KCNG3: variants seen among roughly 807,000 people sequenced by gnomAD.
The protein encoded by KCNG3 is voltage-gated potassium channel regulatory subunit KCNG3.
In KCNG3, 15 loss-of-function variants were observed where a neutral mutation model predicts 29.0. That is an observed-to-expected ratio of 0.52 (90% CI 0.35 to 0.80). KCNG3 has a LOEUF of 0.80. KCNG3 is among the 30% of genes least tolerant of loss of function. KCNG3 has a pLI of 0.01. For missense variants in KCNG3, 512 were observed against 605.7 expected (o/e 0.85, Z 1.62); for synonymous variants, 322 against 248.9 (o/e 1.29, Z -2.76).
intron 1 of KCNG3, among the ~76,000 whole-genome samples, chr2:42,467,044 C>T (rs111981851): frequency 0.014 from 2,077 of 152,056 alleles, 53 homozygotes; most frequent in African/African-American, 0.046. Context: ...GGAGCCACTG[C>T]GCCCGGCCAA....
rs112087825 is a variant in KCNG3, at chr2:42,453,468, C to A, written c.666-8889G>T. 8.9e-3 allele frequency among the ~76,000 whole-genome samples: 1,353 copies of A among 152,274 alleles called. 12 individuals carry two copies. Among genetic ancestry groups the A allele is most frequent in the South Asian group, 0.036 (172 of 4,826 alleles). ...GATCATCAATGAGGCTGAGCACGCA[C>A]CTTTTCCATATACCTGTTTGCCATT... On this transcript the variant is annotated intron_variant, in intron 1 of 1. Transcript: ENST00000306078.
chr2:42,474,570 ATAT>A (rs1276980337), intron 1 of KCNG3, among the ~76,000 whole-genome samples: 1 of 152,134 alleles, frequency 6.6e-6, no homozygotes, highest in African/African-American at 2.4e-5. Flanking sequence ...ATGAATCTAA[ATAT>A]TATGTTTTGA....
the KCNG3 span, among the ~76,000 whole-genome samples, chr2:42,436,696 A>G: frequency 6.6e-6 from 1 of 152,234 alleles, no homozygotes; most frequent in Non-Finnish European, 1.5e-5. Flanking sequence ...CAGGGAATAA[A>G]AAGAAGGTAT....
At chr2:42,475,385 G>A (rs1370123275) in intron 1 of KCNG3, among the ~76,000 whole-genome samples, 1 of 147,696 alleles carries the variant, frequency 6.8e-6, no homozygotes, top group Non-Finnish European at 1.5e-5. Flanking sequence ...GAGGAGTACA[G>A]TGGTGCGATC....
intron 1 of KCNG3, among the ~76,000 whole-genome samples, chr2:42,447,074 A>C (rs1166669767): frequency 2.0e-5 from 3 of 150,050 alleles, no homozygotes; most frequent in African/African-American, 7.5e-5. Flanking sequence ...ACAGACAGCA[A>C]ACCTGCCTCA....
At chr2:42,456,433 G>T (rs1431177939) in intron 1 of KCNG3, among the ~76,000 whole-genome samples, 1 of 152,108 alleles carries the variant, frequency 6.6e-6, no homozygotes. Flanking sequence ...GGAGGCTGAG[G>T]AGGAGCACCT....
chr2:42,397,430 C>G, the KCNG3 span, among the ~76,000 whole-genome samples: 1 of 152,124 alleles, frequency 6.6e-6, no homozygotes, highest in East Asian at 1.9e-4. Flanking sequence ...CGATTACTTA[C>G]AGGAGGAGAA....
the KCNG3 span, among the ~76,000 whole-genome samples, chr2:42,399,590 A>C: frequency 6.6e-6 from 1 of 152,184 alleles, no homozygotes; most frequent in Non-Finnish European, 1.5e-5. Flanking sequence ...TTACAAAGAA[A>C]ATTTCAGAAA....
In KCNG3 at chr2:42,444,713, T is replaced by A; in HGVS notation, c.666-134A>T. The A allele has an allele frequency of 1.3e-6, 1 of 760,670 alleles. No individual in the cohort carries two copies. 47.1% of individuals were successfully genotyped at this position (760,670 alleles called of 1,614,324 possible). ...CAGAAAACATAAAGAACAGACAACATTAGCAACATCATCAGACCACCAGGA... is the reference window on the plus strand; with the variant it reads ...CAGAAAACATAAAGAACAGACAACAATAGCAACATCATCAGACCACCAGGA... On this transcript the variant is annotated intron_variant, in intron 1 of 1. Transcript: ENST00000306078. The surrounding 1 kb of genome is among the most constrained non-coding windows in gnomAD (Gnocchi z 5.8).
At chr2:42,486,281 T>C (rs574550707) in intron 1 of KCNG3, among the ~76,000 whole-genome samples, 5 of 152,294 alleles carry the variant, frequency 3.3e-5, no homozygotes, top group Non-Finnish European at 7.4e-5. Flanking sequence ...AATGACATAA[T>C]AACACCCACA....
chr2:42,484,750 G>C (rs999793493), intron 1 of KCNG3, among the ~76,000 whole-genome samples: 2 of 152,116 alleles, frequency 1.3e-5, no homozygotes, highest in African/African-American at 4.8e-5. Flanking sequence ...CTTACCAAAA[G>C]GTAGGGAAAA....
downstream of KCNG3, among the ~76,000 whole-genome samples, chr2:42,439,379 A>G (rs1672428561): frequency 2.6e-5 from 4 of 151,888 alleles, no homozygotes; most frequent in South Asian, 8.3e-4. Context: ...CTCATGCCTC[A>G]GCCTTCTGCG....
chr2:42,448,321 G>T (rs1192066378), intron 1 of KCNG3, among the ~76,000 whole-genome samples: 1 of 151,638 alleles, frequency 6.6e-6, no homozygotes, highest in Non-Finnish European at 1.5e-5. Flanking sequence ...ATAGCCCGGG[G>T]TCTAAATCCT....
At chr2:42,427,597 C>A in the KCNG3 span, among the ~76,000 whole-genome samples, 1 of 150,586 alleles carries the variant, frequency 6.6e-6, no homozygotes, top group Non-Finnish European at 1.5e-5. Context: ...AGAGTGAGAC[C>A]CTGTCTCAAA....
Position 42,444,697 on chromosome 2 carries a change from TAAAG to T in KCNG3, c.666-122_666-119del. The T allele has an allele frequency of 3.3e-6, 3 of 913,218 alleles. No individual in the cohort carries two copies. Among genetic ancestry groups the T allele is most frequent in the Non-Finnish European group, 4.9e-6 (3 of 607,928 alleles). The allele number at this position is 913,218 out of a possible 1,614,324, so 56.6% of individuals were successfully genotyped here. A position where few individuals can be genotyped will look rare whatever the true frequency, so the allele number is the denominator to read the frequency against. On this transcript the variant is annotated intron_variant, in intron 1 of 1. Coordinates refer to ENST00000306078, the MANE Select transcript of KCNG3 (RefSeq NM_133329.6). The surrounding 1 kb of genome is among the most constrained non-coding windows in gnomAD (Gnocchi z 5.8). ...AATTCAGTTACTTTTCCAGAAAACA[TAAAG>T]AACAGACAACATTAGCAACATCATC... is the stretch of plus-strand genomic sequence containing the variant.
chr2:42,415,390 C>G, the KCNG3 span: 1 of 152,292 alleles, frequency 6.6e-6, no homozygotes, highest in East Asian at 1.9e-4. Flanking sequence ...ACTGTATTTT[C>G]CCATCCCAAT....
At chr2:42,465,599 T>C (rs1278381793) in intron 1 of KCNG3, among the ~76,000 whole-genome samples, 1 of 152,156 alleles carries the variant, frequency 6.6e-6, no homozygotes. Context: ...GCACAAAAAG[T>C]AGTAATCATG....
the KCNG3 span, among the ~76,000 whole-genome samples, chr2:42,424,373 C>T: frequency 6.6e-6 from 1 of 151,172 alleles, no homozygotes; most frequent in African/African-American, 2.4e-5. Context: ...ACCTTGTCAG[C>T]TTAAGACATC....
intron 1 of KCNG3, among the ~76,000 whole-genome samples, chr2:42,490,166 T>A (rs1018246195): frequency 2.6e-5 from 4 of 152,222 alleles, no homozygotes; most frequent in Non-Finnish European, 5.9e-5. Context: ...TTCCATAAAC[T>A]TCATATACAA....
Sources: gnomAD v4.1 joint callset for allele counts (sites outside exome capture counted in the v4.1 genomes callset) on GRCh38, gnomAD v4.1.1 for gene constraint, Gnocchi (gnomAD v3.1) non-coding constraint, MANE v1.5 for transcripts, NCBI Gene and HGNC (gene_info 2026-07-23, HGNC 2026-07-21) for gene names.